GRIP1: variants seen among roughly 807,000 people sequenced by gnomAD.
The protein encoded by GRIP1 is glutamate receptor interacting protein 1, also known as glutamate receptor-interacting protein 1.
In GRIP1, 45 loss-of-function variants were observed where a neutral mutation model predicts 129.9. That is an observed-to-expected ratio of 0.35 (90% CI 0.27 to 0.44). The LOEUF is 0.44. Among genes scored for constraint, GRIP1 ranks in the 20% least tolerant of loss-of-function variants. GRIP1 has a pLI of 1.00. For synonymous variants in GRIP1, 530 were observed against 520.8 expected (o/e 1.02, Z -0.24); for missense variants, 1,196 against 1,396.8 (o/e 0.86, Z 2.29).
At chr12:66,962,471 C>G in intron 1 of GRIP1, among the ~76,000 whole-genome samples, 1 of 152,098 alleles carries the variant, frequency 6.6e-6, no homozygotes. Flanking sequence ...TATTGCTAAA[C>G]AGTGCGACTT....
intron 16 of GRIP1, among the ~76,000 whole-genome samples, chr12:66,398,703 G>C (rs2056881108): frequency 6.6e-6 from 1 of 151,972 alleles, no homozygotes; most frequent in Non-Finnish European, 1.5e-5. Flanking sequence ...TCCTTAATGA[G>C]AGAAGTTAAA....
intron 20 of GRIP1, 131 bp from the exon 21 acceptor site, chr12:66,377,416 CT>C (rs1398805087): frequency 1.4e-6 from 1 of 701,280 alleles, no homozygotes; most frequent in Non-Finnish European, 2.6e-6. Flanking sequence ...CAAGCTCCGC[CT>C]CCCGGGTTCA....
intron 1 of GRIP1, among the ~76,000 whole-genome samples, chr12:66,943,341 G>A (rs951372213): frequency 6.6e-6 from 1 of 152,200 alleles, no homozygotes; most frequent in African/African-American, 2.4e-5. Context: ...GCCCACTTGG[G>A]ATGAGGAGAG....
chr12:66,599,721 C>A (rs1022209733), intron 1 of GRIP1, among the ~76,000 whole-genome samples: 3 of 152,150 alleles, frequency 2.0e-5, no homozygotes, highest in Non-Finnish European at 2.9e-5. Context: ...AGGCTTCTAT[C>A]TTCTCTTGCG....
At chr12:66,577,537 AT>A (rs1248757446) in intron 2 of GRIP1, among the ~76,000 whole-genome samples, 2 of 152,206 alleles carry the variant, frequency 1.3e-5, no homozygotes, top group African/African-American at 4.8e-5. Context: ...GGGTTGATTT[AT>A]AATATTGATG....
At chr12:66,770,512 A>G (rs2037783461) in intron 1 of GRIP1, among the ~76,000 whole-genome samples, 1 of 152,102 alleles carries the variant, frequency 6.6e-6, no homozygotes, top group Non-Finnish European at 1.5e-5. Flanking sequence ...AATCTTTTCA[A>G]AAAAGATTAT....
chr12:67,000,271 T>C (rs2084416191), intron 1 of GRIP1, among the ~76,000 whole-genome samples: 1 of 152,164 alleles, frequency 6.6e-6, no homozygotes. Flanking sequence ...TATCACATAA[T>C]ATCTAGGACC....
chr12:66,913,656 A>G (rs2041069703), intron 1 of GRIP1, among the ~76,000 whole-genome samples: 1 of 152,188 alleles, frequency 6.6e-6, no homozygotes, highest in South Asian at 2.1e-4. Flanking sequence ...CTGCTCTTTA[A>G]AATAATAATG....
At position 66,529,831 on chromosome 12, in the gene GRIP1, C is replaced by G; in HGVS notation, c.502G>C (p.Gly168Arg). ...EGNTFGFVIR[G>R]GAHDDRNKSR... The stretch of plus-strand genomic sequence containing the variant: ...GTAGATTTTTCTAACCAACACCTAC[C>G]TCGAATTACAAAACCAAAGGTATTG... The change falls in exon 5 of 25, where the codon GGG (glycine) becomes CGG (arginine). Residue 168 changes from glycine (G) to arginine (R), a missense_variant and splice_region_variant. Gly to Arg is a moderately radical substitution (Grantham distance 125). Around this residue, in one of 5 missense-constraint regions of GRIP1, gnomAD observed 217 missense variants for 224.8 expected, o/e 0.97. Coordinates refer to ENST00000359742, the MANE Select transcript of GRIP1 (RefSeq NM_001366722.1). The G allele has an allele frequency of 6.4e-7, 1 of 1,551,278 alleles. No homozygotes were observed. Among genetic ancestry groups the G allele is most frequent in the Non-Finnish European group, 8.9e-7 (1 of 1,122,734 alleles).
At chr12:66,778,530 A>G (rs1188242345) in intron 1 of GRIP1, among the ~76,000 whole-genome samples, 1 of 152,206 alleles carries the variant, frequency 6.6e-6, no homozygotes, top group Non-Finnish European at 1.5e-5. Context: ...GAAATAGTGT[A>G]TAAAGCTACT....
chr12:66,378,390 T>G (rs536405679), intron 20 of GRIP1, among the ~76,000 whole-genome samples: 3 of 152,240 alleles, frequency 2.0e-5, no homozygotes, highest in Non-Finnish European at 1.5e-5. Flanking sequence ...AGGTGGAGGT[T>G]GCAGTGAGCT....
intron 1 of GRIP1, among the ~76,000 whole-genome samples, chr12:66,997,617 G>A (rs1425414841): frequency 6.6e-6 from 1 of 152,148 alleles, no homozygotes. Context: ...CTTGAAGCCA[G>A]TCAATATGAA....
intron 19 of GRIP1, among the ~76,000 whole-genome samples, chr12:66,382,833 G>A (rs2056176957): frequency 6.6e-6 from 1 of 152,210 alleles, no homozygotes; most frequent in Non-Finnish European, 1.5e-5. Context: ...TAGAAAGTGA[G>A]TTCTAGTAGC....
At chr12:66,479,914 G>A (rs1375996952) in intron 7 of GRIP1, among the ~76,000 whole-genome samples, 17 of 152,142 alleles carry the variant, frequency 1.1e-4, no homozygotes, top group Admixed American at 8.5e-4. Context: ...TTGATGGAAC[G>A]TATCTCAAAA....
At chr12:66,703,169 G>A (rs1245957792) in intron 1 of GRIP1, among the ~76,000 whole-genome samples, 1 of 152,134 alleles carries the variant, frequency 6.6e-6, no homozygotes, top group African/African-American at 2.4e-5. Flanking sequence ...ACAGGGACTG[G>A]CCCACCTGGA....
At chr12:66,540,789 C>CTTATTTAT (rs57465336) in intron 3 of GRIP1, among the ~76,000 whole-genome samples, 52 of 151,766 alleles carry the variant, frequency 3.4e-4, no homozygotes, top group Middle Eastern at 6.8e-3. Flanking sequence ...TTTATTTTTA[C>CTTATTTAT]TTATTTATTT....
chr12:66,465,054 C>T (rs2059247805), intron 8 of GRIP1, among the ~76,000 whole-genome samples: 1 of 150,938 alleles, frequency 6.6e-6, no homozygotes, highest in South Asian at 2.1e-4. Flanking sequence ...AAGTGATTCT[C>T]ATGCCTCAGC....
At chr12:66,906,374 A>G (rs573745624) in intron 1 of GRIP1, among the ~76,000 whole-genome samples, 1 of 152,216 alleles carries the variant, frequency 6.6e-6, no homozygotes, top group South Asian at 2.1e-4. Context: ...GTCGAAGCTG[A>G]AGAGTTGTGA....
intron 7 of GRIP1, among the ~76,000 whole-genome samples, chr12:66,513,502 G>C (rs750882705): frequency 1.7e-4 from 26 of 152,004 alleles, no homozygotes; most frequent in Non-Finnish European, 3.4e-4. Flanking sequence ...TTATGCATCT[G>C]TATATGCATA....
Sources: allele counts gnomAD v4.1 joint callset (sites outside exome capture counted in the v4.1 genomes callset), GRCh38; gene constraint gnomAD v4.1.1; regional missense constraint gnomAD v4.1.1; transcripts MANE v1.5; gene names NCBI Gene and HGNC (gene_info 2026-07-23, HGNC 2026-07-21).